CMC1: variants seen among roughly 807,000 people sequenced by gnomAD.
CMC1 encodes COX assembly mitochondrial protein homolog.
In CMC1, 14 loss-of-function variants were observed where a neutral mutation model predicts 14.1. That is an observed-to-expected ratio of 0.99 (90% CI 0.66 to 1.55). The LOEUF is 1.55. CMC1 is among the 40% of genes most tolerant of loss of function. CMC1 has a pLI of 0.00. For missense variants in CMC1, 127 were observed against 123.8 expected (o/e 1.03, Z -0.12); for synonymous variants, 50 against 38.4 (o/e 1.30, Z -1.12).
chr3:28,314,270 G>T (rs1702780830), intron 2 of CMC1, among the ~76,000 whole-genome samples: 1 of 152,182 alleles, frequency 6.6e-6, no homozygotes, highest in Non-Finnish European at 1.5e-5. Context: ...GTGAAAGTTA[G>T]TTGACTTTTA....
intron 2 of CMC1, among the ~76,000 whole-genome samples, chr3:28,288,766 T>A (rs1265625944): frequency 2.0e-5 from 3 of 147,550 alleles, no homozygotes; most frequent in Non-Finnish European, 4.5e-5. Context: ...TTATAAAGTT[T>A]GATAAATTGT....
At chr3:28,260,792 T>A (rs1221826940) in intron 1 of CMC1, among the ~76,000 whole-genome samples, 1 of 152,214 alleles carries the variant, frequency 6.6e-6, no homozygotes, top group Non-Finnish European at 1.5e-5. Flanking sequence ...ATTGTGTTTT[T>A]ATTTTCATTC....
chr3:28,312,930 C>T (rs1363153178), intron 2 of CMC1, among the ~76,000 whole-genome samples: 6 of 152,056 alleles, frequency 3.9e-5, no homozygotes, highest in Admixed American at 1.3e-4. Context: ...GATCTCAGCT[C>T]ACTGCAGCTT....
rs1438679677 is a variant in CMC1, at chr3:28,282,150, A to C, written c.109+18770A>C. ...AAATACTTCATACAAATAAAACGGAAAGATTAATTTTACCACCAAATACAA... is the reference window on the plus strand; with the variant it reads ...AAATACTTCATACAAATAAAACGGACAGATTAATTTTACCACCAAATACAA... On this transcript the variant is annotated intron_variant, in intron 2 of 3. Coordinates refer to ENST00000466830, the MANE Select transcript of CMC1 (RefSeq NM_182523.2). Among the ~76,000 whole-genome samples the C allele has an allele frequency of 2.6e-5, 4 of 152,216 alleles. No homozygotes were observed. The East Asian group carries it at 7.7e-4, about 29-fold the overall frequency.
chr3:28,317,188 G>A (rs1702967952), intron 3 of CMC1: 1 of 151,796 alleles, frequency 6.6e-6, no homozygotes, highest in East Asian at 1.9e-4. Context: ...ATGAACACCC[G>A]AACCCTACAT....
intron 2 of CMC1, among the ~76,000 whole-genome samples, chr3:28,287,788 A>G (rs941445577): frequency 6.6e-6 from 1 of 151,618 alleles, no homozygotes; most frequent in Non-Finnish European, 1.5e-5. Context: ...TTTAGTTTTT[A>G]TCATTGATTT....
intron 1 of CMC1, among the ~76,000 whole-genome samples, chr3:28,248,336 C>T (rs1261252603): frequency 6.6e-6 from 1 of 152,152 alleles, no homozygotes; most frequent in African/African-American, 2.4e-5. Flanking sequence ...CACCTCCTCC[C>T]AGGGAGGTAG....
At chr3:28,290,369 G>A (rs763710123) in intron 2 of CMC1, among the ~76,000 whole-genome samples, 2 of 152,102 alleles carry the variant, frequency 1.3e-5, no homozygotes, top group Non-Finnish European at 2.9e-5. Flanking sequence ...TTTGTGACAT[G>A]TAGAGTGGAT....
At chr3:28,277,786 C>A (rs879151638) in intron 2 of CMC1, among the ~76,000 whole-genome samples, 3 of 152,030 alleles carry the variant, frequency 2.0e-5, no homozygotes, top group African/African-American at 7.2e-5. Flanking sequence ...TAAGGGACAC[C>A]AAAAAGGTCA....
chr3:28,318,189 A>G (rs1284537763), intron 3 of CMC1: 1 of 151,756 alleles, frequency 6.6e-6, no homozygotes, highest in Non-Finnish European at 1.5e-5. Context: ...ATTTTGAAAC[A>G]TTGTTTTTGC....
chr3:28,273,490 C>T (rs893977940), intron 2 of CMC1, among the ~76,000 whole-genome samples: 3 of 152,058 alleles, frequency 2.0e-5, no homozygotes, highest in Admixed American at 6.6e-5. Flanking sequence ...TCAGTTATTT[C>T]GCATTTGCTA....
Position 28,322,415 on chromosome 3 carries a change from TAATC to T in CMC1, c.*2789_*2792del, listed in dbSNP as rs1703213459. On this transcript the variant is annotated 3_prime_UTR_variant, in exon 4 of 4. Coordinates refer to ENST00000466830, the MANE Select transcript of CMC1 (RefSeq NM_182523.2). ...AATTTCTTGGTATTGTTCAAAACAT[TAATC>T]AAGCAATTATCTCATAAGACTTTTT... 6.6e-6 allele frequency: 1 copy of T among 151,642 alleles called. No homozygotes were observed. Among genetic ancestry groups the T allele is most frequent in the African/African-American group, 2.4e-5 (1 of 41,338 alleles). The allele number at this position is 151,642 out of a possible 1,614,324, so 9.4% of individuals were successfully genotyped here. A position where few individuals can be genotyped will look rare whatever the true frequency, so the allele number is the denominator to read the frequency against.
intron 3 of CMC1, chr3:28,319,305 G>A (rs1186145588): frequency 1.8e-5 from 11 of 598,626 alleles, no homozygotes; most frequent in South Asian, 7.6e-5. Context: ...GCTCTATTCT[G>A]TGACAGTGCT....
intron 2 of CMC1, among the ~76,000 whole-genome samples, chr3:28,278,529 A>G (rs1376287203): frequency 1.3e-5 from 2 of 152,202 alleles, no homozygotes; most frequent in Non-Finnish European, 2.9e-5. Flanking sequence ...TTGGATAGTG[A>G]TAGATTAAAA....
At chr3:28,309,566 C>G (rs959382496) in intron 2 of CMC1, among the ~76,000 whole-genome samples, 2 of 152,014 alleles carry the variant, frequency 1.3e-5, no homozygotes, top group African/African-American at 4.8e-5. Flanking sequence ...CTGTCCTTTC[C>G]TGCTTTGTCT....
intron 2 of CMC1, among the ~76,000 whole-genome samples, chr3:28,294,939 A>G (rs1701664236): frequency 6.6e-6 from 1 of 152,072 alleles, no homozygotes; most frequent in Admixed American, 6.6e-5. Flanking sequence ...ACCCATAGAG[A>G]AGTTACAGAG....
intron 2 of CMC1, among the ~76,000 whole-genome samples, chr3:28,308,297 A>G (rs534146850): frequency 1.3e-5 from 2 of 152,308 alleles, no homozygotes; most frequent in African/African-American, 4.8e-5. Context: ...AGAAAAAGCT[A>G]CTTTTATATC....
chr3:28,253,992 C>G (rs1282055232), intron 1 of CMC1, among the ~76,000 whole-genome samples: 9 of 152,132 alleles, frequency 5.9e-5, no homozygotes, highest in Non-Finnish European at 7.3e-5. Flanking sequence ...TGCCATATTG[C>G]AAGAACACAT....
chr3:28,261,223 G>T (rs1393319913), intron 1 of CMC1, among the ~76,000 whole-genome samples: 1 of 151,706 alleles, frequency 6.6e-6, no homozygotes. Context: ...TCTTGTGAGA[G>T]ATTTTATTTT....
Sources: allele counts gnomAD v4.1 joint callset (sites outside exome capture counted in the v4.1 genomes callset), GRCh38; gene constraint gnomAD v4.1.1; transcripts MANE v1.5; gene names NCBI Gene and HGNC (gene_info 2026-07-23, HGNC 2026-07-21).